The following NBPF14 variants were observed in gnomAD, a reference collection of about 807,000 sequenced individuals.
NBPF14 encodes the protein NBPF member 14.
Under a neutral mutation model 91.2 loss-of-function variants are expected in NBPF14, and 104 were observed. The observed-to-expected ratio is 1.14, with a 90% CI of 0.97 to 1.34. The LOEUF (loss-of-function observed/expected upper bound fraction) is 1.34. Among genes scored for constraint, NBPF14 ranks in the 40% most tolerant of loss-of-function variants. The probability of loss-of-function intolerance (pLI) is 0.00; values close to 1 mark genes in which losing one functional copy is unlikely to be tolerated. For missense variants in NBPF14, 908 were observed against 783.0 expected, an observed-to-expected ratio of 1.16 and a Z score of -1.91; for synonymous variants, 294 against 303.8, an observed-to-expected ratio of 0.97 and a Z score of 0.34.
chr1:148,595,070 C>T (rs1375488142), intron 2 of NBPF14, among the ~76,000 whole-genome samples: 2 of 140,564 alleles, frequency 1.4e-5, no homozygotes. Flanking sequence ...CTTGAAGCCC[C>T]TCAGAGCAGG....
At chr1:148,565,861 T>C (rs1200220833) in intron 29 of NBPF14, among the ~76,000 whole-genome samples, 1 of 6,072 alleles carries the variant, frequency 1.6e-4, no homozygotes, top group Non-Finnish European at 3.1e-4. Flanking sequence ...GTCAAAATCA[T>C]AGTTCTCTGA....
At chr1:148,561,998 A>C (rs1281850866) in intron 34 of NBPF14, among the ~76,000 whole-genome samples, 1 of 50,708 alleles carries the variant, frequency 2.0e-5, no homozygotes, top group East Asian at 1.0e-3. Flanking sequence ...CCATGCAGTC[A>C]CCATGAGAAT....
At chr1:148,557,066 A>G in intron 40 of NBPF14, among the ~76,000 whole-genome samples, 1 of 124,336 alleles carries the variant, frequency 8.0e-6, no homozygotes. Context: ...ATAGACACAC[A>G]CACACACACA....
intron 34 of NBPF14, 50 bp downstream of exon 34, chr1:148,562,186 G>C (rs1484680249): frequency 1.9e-4 from 32 of 170,654 alleles, no homozygotes; most frequent in South Asian, 2.8e-4. Flanking sequence ...CCTGAACCAG[G>C]AGTCTCCAGA....
chr1:148,572,675 A>T lies in NBPF14; in HGVS notation c.2586-60T>A. The T allele has an allele frequency of 1.2e-5, 8 of 677,114 alleles. 1 individual carries two copies. Among genetic ancestry groups the T allele is most frequent in the South Asian group, 1.0e-4 (7 of 67,038 alleles). 41.9% of individuals were successfully genotyped at this position (677,114 alleles called of 1,614,324 possible). The stretch of plus-strand genomic sequence containing the variant: ...GGGGAATCAGAAACCACACAGCCCC[A>T]GCTAGATTTCATGGCTAACGTAAGG... On this transcript the variant is annotated intron_variant, in intron 20 of 70. Coordinates refer to ENST00000619423, the Ensembl canonical transcript of NBPF14.
intron 16 of NBPF14, among the ~76,000 whole-genome samples, chr1:148,576,051 G>A (rs1188807736): frequency 2.0e-5 from 3 of 146,888 alleles, no homozygotes; most frequent in African/African-American, 5.1e-5. Flanking sequence ...CAGCGAATTG[G>A]CCGGGTGACA....
At chr1:148,592,740 T>G in exon 4 of NBPF14, 1 of 1,585,370 alleles carries the variant, frequency 6.3e-7, no homozygotes, top group Non-Finnish European at 8.6e-7. Flanking sequence ...CTCTCGTTCC[T>G]GAGAGTGAAC....
At position 148,566,531 on chromosome 1, in the gene NBPF14, A is replaced by T. The variant is rs1468796647; in HGVS notation, c.3543-216T>A. Among the ~76,000 whole-genome samples, 5 of 125,124 alleles carry T rather than the reference A, an allele frequency of 4.0e-5. 1 individual carries two copies. The highest frequency in any genetic ancestry group is 7.5e-5 in the Non-Finnish European group (4 of 53,048). 82.1% of individuals were successfully genotyped at this position (125,124 alleles called of 152,430 possible). A position where few individuals can be genotyped will look rare whatever the true frequency, so the allele number is the denominator to read the frequency against. ...CAGACACACACACACACACACACAC[A>T]CACACACACAAACACACACACACAC... On this transcript the variant is annotated intron_variant, in intron 28 of 70. Transcript: ENST00000619423.
At chr1:148,576,074 G>A (rs1477144967) in intron 16 of NBPF14, among the ~76,000 whole-genome samples, 19 of 145,008 alleles carry the variant, frequency 1.3e-4, no homozygotes, top group Non-Finnish European at 1.2e-4. Flanking sequence ...CTGATGAAGG[G>A]GTTAAAGGAC....
chr1:148,535,022 G>A (rs1361265743), intron 68 of NBPF14, among the ~76,000 whole-genome samples, 166 bp from the exon 69 acceptor site: 1 of 147,098 alleles, frequency 6.8e-6, no homozygotes, highest in Non-Finnish European at 1.5e-5. Context: ...CCAGGGCCAG[G>A]TAGAAAAGAA....
At chr1:148,591,082 A>C (rs1196667092) in intron 5 of NBPF14, 114 bp from the exon 6 acceptor site, 1 of 1,277,040 alleles carries the variant, frequency 7.8e-7, no homozygotes, top group African/African-American at 1.5e-5. Flanking sequence ...CCAGAAAGCA[A>C]AACGGAGGTT....
In NBPF14 at chr1:148,534,672, T is replaced by G. The variant is rs1654705446; in HGVS notation, c.8614+12A>C. The G allele has an allele frequency of 1.2e-6, 1 of 803,330 alleles. No individual in the cohort carries two copies. The highest frequency in any genetic ancestry group is 2.2e-6 in the Non-Finnish European group (1 of 447,718). The allele number at this position is 803,330 out of a possible 1,614,324, so 49.8% of individuals were successfully genotyped here. A position where few individuals can be genotyped will look rare whatever the true frequency, so the allele number is the denominator to read the frequency against. Reference sequence around the variant, plus strand: ...AGGTGGAGGCTTATCACCTTCATAGTAAGGTACTCACTGTCCACGTCAAGA... The same window carrying G: ...AGGTGGAGGCTTATCACCTTCATAGGAAGGTACTCACTGTCCACGTCAAGA... On this transcript the variant is annotated intron_variant, in intron 69 of 70. Transcript: ENST00000619423.
chr1:148,592,657 G>C, exon 4 of NBPF14: 1 of 1,588,588 alleles, frequency 6.3e-7, no homozygotes, highest in Non-Finnish European at 8.6e-7. Flanking sequence ...GGAGTGAGGA[G>C]GGCCTGGAGA....
exon 69 of NBPF14, chr1:148,534,769 A>C: frequency 1.2e-6 from 1 of 834,644 alleles, no homozygotes; most frequent in South Asian, 1.3e-5. Flanking sequence ...CAGGCAGTTC[A>C]AGATAACCTG....
rs1206194723 is a variant in NBPF14 at position 148,535,093 on chromosome 1, G to A, written c.8442-237C>T. Among the ~76,000 whole-genome samples, 6 of 146,394 alleles carry A rather than the reference G, an allele frequency of 4.1e-5. No individual in the cohort carries two copies. In the East Asian group the frequency reaches 1.0e-3, roughly 25 times the overall value. On this transcript the variant is annotated intron_variant, in intron 68 of 70. Transcript: ENST00000619423. ...GAGGAGAAAGTGAGCTCAGCGAATT[G>A]GCCGGGTGACACACTGATGAAGGGG...
chr1:148,559,797 C>T (rs1470767770), exon 37 of NBPF14: 8 of 1,508,896 alleles, frequency 5.3e-6, no homozygotes, highest in Non-Finnish European at 7.1e-6. Context: ...ACTCACCATC[C>T]ATGTCAACAG....
intron 12 of NBPF14, among the ~76,000 whole-genome samples, chr1:148,580,026 C>G (rs1660668860): frequency 6.6e-6 from 1 of 151,614 alleles, no homozygotes; most frequent in East Asian, 1.9e-4. Context: ...ATTCCAAAAA[C>G]CTGACATCCC....
chr1:148,590,094 G>T (rs1417083231), intron 6 of NBPF14, among the ~76,000 whole-genome samples: 3 of 133,602 alleles, frequency 2.2e-5, no homozygotes, highest in African/African-American at 8.2e-5. Flanking sequence ...TGTCTCCCAG[G>T]CTGGAGTGCA....
At chr1:148,566,350 G>C (rs1334427589) in intron 28 of NBPF14, 35 bp from the exon 29 acceptor site, 9 of 753,282 alleles carry the variant, frequency 1.2e-5, no homozygotes, top group Non-Finnish European at 2.2e-5. Flanking sequence ...AATAAGCCAG[G>C]GGAAATCAGA....
Sources: gnomAD v4.1 joint callset for allele counts (sites outside exome capture counted in the v4.1 genomes callset) on GRCh38, gnomAD v4.1.1 for gene constraint, MANE v1.5 for transcripts, NCBI Gene and HGNC (gene_info 2026-07-23, HGNC 2026-07-21) for gene names.